The following IL11 variants were observed in gnomAD, a reference collection of about 807,000 sequenced individuals.
IL11 encodes interleukin-11.
A neutral mutation model predicts 18.1 loss-of-function variants in IL11; 17 were observed. The ratio of observed to expected loss-of-function variants is 0.94; its 90% CI spans 0.64 to 1.41. The LOEUF (loss-of-function observed/expected upper bound fraction) is 1.41. IL11 is among the 40% of genes most tolerant of loss of function. The pLI is 0.00. For synonymous variants in IL11, 144 were observed against 134.1 expected, an observed-to-expected ratio of 1.07 and a Z score of -0.51; for missense variants, 309 against 262.8, an observed-to-expected ratio of 1.18 and a Z score of -1.22.
Position 55,366,067 on chromosome 19 carries a change from C to G in IL11, c.540G>C (p.Gly180=). ...CGGCCCAGTCAAGTGTCAGGTGCAG[C>G]CCCCCCAGGATGGCGTGGGCGGCCC... ...GIRAAHAILG[G]LHLTLDWAVR... is the part of the protein sequence containing the mutation. The change falls in exon 5 of 5, where the codon GGG becomes GGC. Residue 180 remains glycine (G), a synonymous_variant. Coordinates refer to ENST00000264563, the MANE Select transcript of IL11 (RefSeq NM_000641.4). The surrounding 1 kb of genome is among the most constrained non-coding windows in gnomAD (Gnocchi z 4.6). 2 of 1,597,572 alleles carry G rather than the reference C, an allele frequency of 1.3e-6. No individual in the cohort carries two copies. Among genetic ancestry groups the G allele is most frequent in the Non-Finnish European group, 1.7e-6 (2 of 1,172,920 alleles).
rs753127489 is a variant in IL11, at chr19:55,368,508, C to A, written c.242G>T (p.Ser81Ile). The change falls in exon 3 of 5, where the codon AGT (serine) becomes ATT (isoleucine). Residue 81 changes from serine to isoleucine, a missense_variant. By Grantham distance (142) the Ser-to-Ile change is moderately radical. Transcript: ENST00000264563. ...NLDSLPTLAM[S>I]AGALGALQLP... ...CTGTAGAGCTCCCAGTGCCCCCGCA[C>A]TCATGGCCAGGGTGGGCAGGGAATC... 6.2e-7 allele frequency: 1 copy of A among 1,612,990 alleles called. No individual in the cohort carries two copies. The highest frequency in any genetic ancestry group is 8.5e-7 in the Non-Finnish European group (1 of 1,179,628).
chr19:55,368,850 TG>T lies in IL11; in HGVS notation c.98del (p.Pro33GlnfsTer13). Reference protein sequence around the residue: ...GPPPGPPRVSPDPRAELDSTV... With the variant: ...GPPPGPPRVSXDPRAELDSTV... Reference sequence around the variant, plus strand: ...TGCTGTCCAGCTCGGCCCGAGGGTCTGGGGAAACTCGAGGGGGGCCAGGTGG... The same window carrying T: ...TGCTGTCCAGCTCGGCCCGAGGGTCTGGGAAACTCGAGGGGGGCCAGGTGG... On this transcript the variant is annotated frameshift_variant, in exon 2 of 5. Coordinates refer to ENST00000264563, the MANE Select transcript of IL11 (RefSeq NM_000641.4). LOFTEE classifies it high-confidence loss of function. The T allele has an allele frequency of 6.3e-7, 1 of 1,586,296 alleles. No individual in the cohort carries two copies. Among genetic ancestry groups the T allele is most frequent in the Non-Finnish European group, 8.6e-7 (1 of 1,166,748 alleles).
In IL11 at chr19:55,365,868, C is replaced by T. The variant is rs983716184; in HGVS notation, c.*139G>A. The T allele has an allele frequency of 8.8e-6, 12 of 1,363,412 alleles. 1 individual carries two copies. The highest frequency in any genetic ancestry group is 1.5e-5 in the African/African-American group (1 of 67,450). 84.5% of individuals were successfully genotyped at this position (1,363,412 alleles called of 1,614,324 possible). On this transcript the variant is annotated 3_prime_UTR_variant, in exon 5 of 5. Coordinates refer to ENST00000264563, the MANE Select transcript of IL11 (RefSeq NM_000641.4). ...GTATAAATAAGGCACAGATGCCCCC[C>T]AGGCCTCACGGAAGGACTGTCTCTA...
In IL11 at chr19:55,369,730, C is replaced by T. The variant is rs2089810530; in HGVS notation, c.7+574G>A. On this transcript the variant is annotated intron_variant, in intron 1 of 4. Coordinates refer to ENST00000264563, the MANE Select transcript of IL11 (RefSeq NM_000641.4). This position sits in a 1 kb window ranked among gnomAD's most constrained non-coding sequence, Gnocchi z 6.1. ...CGCCAGCCAATCAGCGCTCCCCGGCCGCCCGCGCCTCGCACACCCCCAGCC... is the reference window on the plus strand; with the variant it reads ...CGCCAGCCAATCAGCGCTCCCCGGCTGCCCGCGCCTCGCACACCCCCAGCC... 6.8e-6 allele frequency among the ~76,000 whole-genome samples: 1 copy of T among 147,656 alleles called. No individual in the cohort carries two copies. The highest frequency in any genetic ancestry group is 1.5e-5 in the Non-Finnish European group (1 of 66,402).
Position 55,369,330 on chromosome 19 carries a change from C to T in IL11, c.8-389G>A, listed in dbSNP as rs2089807050. 1 of 159,172 alleles carries T rather than the reference C, an allele frequency of 6.3e-6. No homozygotes were observed. Among genetic ancestry groups the T allele is most frequent in the African/African-American group, 2.4e-5 (1 of 41,826 alleles). The allele number at this position is 159,172 out of a possible 1,614,324, so 9.9% of individuals were successfully genotyped here. A position where few individuals can be genotyped will look rare whatever the true frequency, so the allele number is the denominator to read the frequency against. ...AGACGGGCCGGGCGTCTCCCGTCCG[C>T]CCCCGGACGCCGGAATCTGGGCCCC... On this transcript the variant is annotated intron_variant, in intron 1 of 4. Transcript: ENST00000264563. This position sits in a 1 kb window ranked among gnomAD's most constrained non-coding sequence, Gnocchi z 6.1.
chr19:55,366,566 T>C lies in IL11; in HGVS notation c.430-389A>G, dbSNP rs2089787498. ...GGGCTCACGCCTGTTATCCCAGCGC[T>C]TTGGGAGGCCGAGGCGGGCGGATGG... On this transcript the variant is annotated intron_variant, in intron 4 of 4. Transcript: ENST00000264563. This position sits in a 1 kb window ranked among gnomAD's most constrained non-coding sequence, Gnocchi z 4.6. 6.6e-6 allele frequency among the ~76,000 whole-genome samples: 1 copy of C among 152,026 alleles called. No individual in the cohort carries two copies. Among genetic ancestry groups the C allele is most frequent in the Non-Finnish European group, 1.5e-5 (1 of 67,996 alleles).
Position 55,368,842 on chromosome 19 carries a change from C to T in IL11, c.107G>A (p.Arg36Gln). ...PGPPRVSPDP[R>Q]AELDSTVLLT... The stretch of plus-strand genomic sequence containing the variant: ...GAGCACGGTGCTGTCCAGCTCGGCC[C>T]GAGGGTCTGGGGAAACTCGAGGGGG... Residue 36 changes from arginine (R) to glutamine (Q), a missense_variant, in exon 2 of 5, where the codon CGG becomes CAG. By Grantham distance (43) the Arg-to-Gln change is conservative. Coordinates refer to ENST00000264563, the MANE Select transcript of IL11 (RefSeq NM_000641.4). 1 of 1,589,014 alleles carries T rather than the reference C, an allele frequency of 6.3e-7. No homozygotes were observed. The highest frequency in any genetic ancestry group is 1.2e-5 in the South Asian group (1 of 86,854).
chr19:55,368,017 ACTGTTAGGGTCAGGGTCTCAGAGCGGGG>A (rs1249738172), intron 4 of IL11, among the ~76,000 whole-genome samples, 165 bp downstream of exon 4: 1 of 151,376 alleles, frequency 6.6e-6, no homozygotes, highest in Non-Finnish European at 1.5e-5. Context: ...TCAGAGCAGG[ACTGTTAGGGTCAGGGTCTCAGAGCGGGG>A]CTGTTACGGT....
Position 55,370,361 on chromosome 19 carries a change from C to T in IL11, c.-51G>A. The T allele has an allele frequency of 7.2e-7, 1 of 1,381,172 alleles. No individual in the cohort carries two copies. Among genetic ancestry groups the T allele is most frequent in the African/African-American group, 1.5e-5 (1 of 66,298 alleles). The allele number at this position is 1,381,172 out of a possible 1,614,324, so 85.6% of individuals were successfully genotyped here. On this transcript the variant is annotated 5_prime_UTR_variant, in exon 1 of 5. Coordinates refer to ENST00000264563, the MANE Select transcript of IL11 (RefSeq NM_000641.4). ...AGGGCAGGGGGCAGGGAGCCGGGGG[C>T]CTTTAACCCTTCCCTGTCCGCTGCC...
rs914340365 is a variant in IL11, at chr19:55,364,876, C to G, written c.*1131G>C. On this transcript the variant is annotated 3_prime_UTR_variant, in exon 5 of 5. Coordinates refer to ENST00000264563, the MANE Select transcript of IL11 (RefSeq NM_000641.4). Reference sequence around the variant, plus strand: ...CTGCTCCGGGCGGCTGGGTGGCGTTCTATCCACAGATGCACCATGTTGCTT... The same window carrying G: ...CTGCTCCGGGCGGCTGGGTGGCGTTGTATCCACAGATGCACCATGTTGCTT... 1.3e-5 allele frequency: 2 copies of G among 152,202 alleles called. No individual in the cohort carries two copies. The highest frequency in any genetic ancestry group is 1.3e-4 in the Admixed American group (2 of 15,276). 9.4% of individuals were successfully genotyped at this position (152,202 alleles called of 1,614,324 possible).
rs1029658981 is a variant in IL11 at position 55,369,614 on chromosome 19, G to A, written c.8-673C>T. ...GCCGGGCCGCGGGAGCGGGAGAGCT[G>A]GCGGCGGGGGGCGCGGGGGGCGCGG... is the stretch of plus-strand genomic sequence containing the variant. On this transcript the variant is annotated intron_variant, in intron 1 of 4. Transcript: ENST00000264563. The surrounding 1 kb of genome is among the most constrained non-coding windows in gnomAD (Gnocchi z 6.1). Among the ~76,000 whole-genome samples the A allele has an allele frequency of 7.4e-6, 1 of 135,766 alleles. No homozygotes were observed. The highest frequency in any genetic ancestry group is 3.2e-5 in the African/African-American group (1 of 30,808). 89.1% of individuals were successfully genotyped at this position (135,766 alleles called of 152,430 possible). A position where few individuals can be genotyped will look rare whatever the true frequency, so the allele number is the denominator to read the frequency against.
intron 4 of IL11, among the ~76,000 whole-genome samples, chr19:55,367,997 G>T (rs905416272): frequency 6.6e-6 from 1 of 151,938 alleles, no homozygotes; most frequent in African/African-American, 2.4e-5. Flanking sequence ...GGGACTGCAG[G>T]GTCAGGGTCT....
chr19:55,368,089 G>A, intron 4 of IL11, 121 bp downstream of exon 4: 1 of 823,836 alleles, frequency 1.2e-6, no homozygotes, highest in Non-Finnish European at 1.9e-6. Flanking sequence ...TAGGGTGTCA[G>A]GGTCTCAGAG....
chr19:55,367,254 G>A (rs574590928), intron 4 of IL11, among the ~76,000 whole-genome samples: 62 of 152,066 alleles, frequency 4.1e-4, no homozygotes, highest in Non-Finnish European at 1.5e-4. Flanking sequence ...CAGGGTTTTC[G>A]ATGTTGGGAG....
Position 55,365,912 on chromosome 19 carries a change from CG to C in IL11, c.*94del, listed in dbSNP as rs1569031206. 2.0e-6 allele frequency: 3 copies of C among 1,523,958 alleles called. No individual in the cohort carries two copies. Among genetic ancestry groups the C allele is most frequent in the East Asian group, 2.5e-5 (1 of 40,260 alleles). The allele number at this position is 1,523,958 out of a possible 1,614,324, so 94.4% of individuals were successfully genotyped here. On this transcript the variant is annotated 3_prime_UTR_variant, in exon 5 of 5. Coordinates refer to ENST00000264563, the MANE Select transcript of IL11 (RefSeq NM_000641.4). ...GTCTCTAACTAGGGGGAGATAATGG[CG>C]GGGGGATCACCTGGCTGTTTCGCCC...
rs1460947654 is a variant in IL11 at position 55,368,853 on chromosome 19, G to A, written c.96C>T (p.Ser32=). The A allele has an allele frequency of 6.3e-7, 1 of 1,583,234 alleles. No individual in the cohort carries two copies. Among genetic ancestry groups the A allele is most frequent in the South Asian group, 1.2e-5 (1 of 86,352 alleles). The change falls in exon 2 of 5, where the codon TCC becomes TCT. Residue 32 remains serine (S), a synonymous_variant. Transcript: ENST00000264563. ...TGTCCAGCTCGGCCCGAGGGTCTGG[G>A]GAAACTCGAGGGGGGCCAGGTGGTG... ...PGPPPGPPRV[S]PDPRAELDST... is the part of the protein sequence containing the mutation.
rs1047530087 is a variant in IL11, at chr19:55,365,581, C to T, written c.*426G>A. On this transcript the variant is annotated 3_prime_UTR_variant, in exon 5 of 5. Transcript: ENST00000264563. Reference sequence around the variant, plus strand: ...GTGGATATGTATGACACATTTAATTCCCTGTTCTCTGTCTCACAAAGGTTT... The same window carrying T: ...GTGGATATGTATGACACATTTAATTTCCTGTTCTCTGTCTCACAAAGGTTT... 1.6e-5 allele frequency: 3 copies of T among 192,842 alleles called. No homozygotes were observed. Among genetic ancestry groups the T allele is most frequent in the Admixed American group, 1.2e-4 (2 of 16,996 alleles). 11.9% of individuals were successfully genotyped at this position (192,842 alleles called of 1,614,324 possible).
chr19:55,368,873 G>A lies in IL11; in HGVS notation c.76C>T (p.Pro26Ser), dbSNP rs1227197692. The change falls in exon 2 of 5, where the codon CCT (proline) becomes TCT (serine). Residue 26 changes from proline to serine, a missense_variant. Pro to Ser is a moderately conservative substitution (Grantham distance 74). Coordinates refer to ENST00000264563, the MANE Select transcript of IL11 (RefSeq NM_000641.4). The stretch of plus-strand genomic sequence containing the variant: ...TCTGGGGAAACTCGAGGGGGGCCAG[G>A]TGGTGGCCCAGGGGCGACAGCTGTA... ...PDTAVAPGPP[P>S]GPPRVSPDPR... 6.4e-7 allele frequency: 1 copy of A among 1,573,708 alleles called. No individual in the cohort carries two copies. Among genetic ancestry groups the A allele is most frequent in the Non-Finnish European group, 8.6e-7 (1 of 1,159,514 alleles).
chr19:55,368,353 T>G lies in IL11; in HGVS notation c.286A>C (p.Arg96=). 6.3e-7 allele frequency: 1 copy of G among 1,598,896 alleles called. No homozygotes were observed. Among genetic ancestry groups the G allele is most frequent in the Non-Finnish European group, 8.6e-7 (1 of 1,169,460 alleles). ...TAGGACAGTAGGTCCGCTCGCAGCC[T>G]TGTCAGCACACCTGGGAGCTGGGGA... is the stretch of plus-strand genomic sequence containing the variant. ...GALQLPGVLT[R]LRADLLSYLR... The change falls in exon 4 of 5, where the codon AGG becomes CGG. Residue 96 remains arginine, a synonymous_variant. Coordinates refer to ENST00000264563, the MANE Select transcript of IL11 (RefSeq NM_000641.4).
Sources: gnomAD v4.1 joint callset for allele counts (sites outside exome capture counted in the v4.1 genomes callset) on GRCh38, gnomAD v4.1.1 for gene constraint, Gnocchi (gnomAD v3.1) non-coding constraint, MANE v1.5 for transcripts, NCBI Gene and HGNC (gene_info 2026-07-23, HGNC 2026-07-21) for gene names.